The following CEP72 variants were observed in gnomAD, a reference collection of about 807,000 sequenced individuals.
CEP72 encodes centrosomal protein of 72 kDa.
Under a neutral mutation model 65.7 loss-of-function variants are expected in CEP72, and 78 were observed. That is an observed-to-expected ratio of 1.19 (90% CI 0.99 to 1.43). CEP72 has a LOEUF of 1.43. Ranked by LOEUF, CEP72 falls within the 40% of genes most tolerant of loss-of-function variation. CEP72 has a pLI of 0.00. For synonymous variants in CEP72, 358 were observed against 351.7 expected (o/e 1.02, Z -0.20); for missense variants, 914 against 832.9 (o/e 1.10, Z -1.20).
At chr5:641,580 C>T (rs1197147839) in intron 9 of CEP72, 3 of 984,104 alleles carry the variant, frequency 3.0e-6, no homozygotes, top group Non-Finnish European at 2.4e-6. Flanking sequence ...GTGGCCCCCC[C>T]ACCCCGCCTG....
At chr5:668,264 C>G (rs1740023702), downstream of CEP72, among the ~76,000 whole-genome samples, 1 of 62,040 alleles carries the variant, frequency 1.6e-5, no homozygotes, top group Non-Finnish European at 2.8e-5. Context: ...CGGACAAGCA[C>G]ACGGAGAGGG....
At chr5:618,841 CGAG>C (rs1287310145) in intron 1 of CEP72, 146 bp from the exon 2 acceptor site, 4 of 663,126 alleles carry the variant, frequency 6.0e-6, no homozygotes, top group Non-Finnish European at 1.0e-5. Flanking sequence ...CACAGATGGC[CGAG>C]GAGAAGATTC....
chr5:627,117 A>T (rs1342785422), intron 4 of CEP72, among the ~76,000 whole-genome samples: 1 of 152,210 alleles, frequency 6.6e-6, no homozygotes, highest in Non-Finnish European at 1.5e-5. Flanking sequence ...CAGTGAGCCC[A>T]TCTGGCCTGG....
At position 635,606 on chromosome 5, in the gene CEP72, T is replaced by G. The variant is rs777700256; in HGVS notation, c.904+22T>G. 8.4e-6 allele frequency: 13 copies of G among 1,548,164 alleles called. 1 individual carries two copies. In the East Asian group the frequency reaches 2.9e-4, roughly 35 times the overall value. ...CCAGGTACTTACGCGTGTCTTAGTC[T>G]GTTTTCTGTTGCTGTAACAGAAAAC... On this transcript the variant is annotated intron_variant, in intron 6 of 11. Coordinates refer to ENST00000264935, the MANE Select transcript of CEP72 (RefSeq NM_018140.4).
intron 1 of CEP72, among the ~76,000 whole-genome samples, chr5:618,770 C>T (rs1736159658): frequency 6.6e-6 from 1 of 152,046 alleles, no homozygotes; most frequent in Admixed American, 6.5e-5. Flanking sequence ...GGATGAGGAA[C>T]CTGAGCAGAT....
chr5:621,256 A>G (rs1736372486), intron 3 of CEP72, among the ~76,000 whole-genome samples: 1 of 152,192 alleles, frequency 6.6e-6, no homozygotes, highest in Non-Finnish European at 1.5e-5. Context: ...ACCTTATCAA[A>G]AACAAAAGAA....
chr5:616,346 T>C (rs1026142486), intron 1 of CEP72, among the ~76,000 whole-genome samples: 1 of 152,224 alleles, frequency 6.6e-6, no homozygotes, highest in Non-Finnish European at 1.5e-5. Flanking sequence ...CCTGTTTCTT[T>C]GCTAAGACTA....
In CEP72 at chr5:666,537, C is replaced by A. The variant is rs932314749; in HGVS notation, n.593-327C>A. 2.0e-5 allele frequency among the ~76,000 whole-genome samples: 3 copies of A among 152,208 alleles called. No individual in the cohort carries two copies. The East Asian group carries it at 5.8e-4, about 29-fold the overall frequency. On this transcript the variant is annotated intron_variant and non_coding_transcript_variant, in intron 4 of 4. Transcript: ENST00000514507. ...TGGGGTCCTAGGTGGAGGTGTCCCC[C>A]ACACAGGAACATGGTTAGGAGGGGC...
At position 624,654 on chromosome 5, in the gene CEP72, T is replaced by TTCAC. The variant is rs111664008; in HGVS notation, c.512+77_512+80dup. 84 of 1,064,816 alleles carry TTCAC rather than the reference T, an allele frequency of 7.9e-5. No homozygotes were observed. The African/African-American group carries it at 1.0e-3, about 13-fold the overall frequency. 66.0% of individuals were successfully genotyped at this position (1,064,816 alleles called of 1,614,324 possible). On this transcript the variant is annotated intron_variant, in intron 4 of 11. Coordinates refer to ENST00000264935, the MANE Select transcript of CEP72 (RefSeq NM_018140.4). The surrounding 1 kb of genome is among the most constrained non-coding windows in gnomAD (Gnocchi z 4.7). Reference sequence around the variant, plus strand: ...TGTCAGGAGGATTAACCGAACGTCATTCACTGTGTGCCGGTCACTCTCCAG... The same window carrying TTCAC: ...TGTCAGGAGGATTAACCGAACGTCATTCACTCACTGTGTGCCGGTCACTCTCCAG...
intron 4 of CEP72, among the ~76,000 whole-genome samples, chr5:633,262 G>C (rs1737333279): frequency 1.0e-5 from 1 of 99,410 alleles, no homozygotes; most frequent in African/African-American, 4.8e-5. Flanking sequence ...GTGGGGTGCT[G>C]TCCAGTTCCG....
intron 4 of CEP72, among the ~76,000 whole-genome samples, chr5:628,433 G>T (rs372553057): frequency 0.01 from 1,337 of 130,226 alleles, 21 homozygotes; most frequent in African/African-American, 0.032. Flanking sequence ...CCGGGGATTG[G>T]CCCCAGGACC....
intron 1 of CEP72, among the ~76,000 whole-genome samples, chr5:617,734 G>T (rs181449740): frequency 6.6e-6 from 1 of 152,162 alleles, no homozygotes; most frequent in Non-Finnish European, 1.5e-5. Context: ...ATGTGGTGGC[G>T]TGTCCCTGTA....
At chr5:633,360 C>T (rs1306543416) in intron 4 of CEP72, among the ~76,000 whole-genome samples, 1 of 125,330 alleles carries the variant, frequency 8.0e-6, no homozygotes, top group Non-Finnish European at 1.8e-5. Context: ...AGGATTTAGT[C>T]CCGTCCTGGT....
downstream of CEP72, among the ~76,000 whole-genome samples, chr5:654,460 T>A (rs1428082489): frequency 1.3e-5 from 2 of 151,626 alleles, no homozygotes; most frequent in South Asian, 4.2e-4. Flanking sequence ...TGCTTCTGTG[T>A]GTGTGTGTGT....
chr5:673,670 A>G, the CEP72 span, among the ~76,000 whole-genome samples: 1 of 152,154 alleles, frequency 6.6e-6, no homozygotes, highest in Non-Finnish European at 1.5e-5. Context: ...CTTGACCCTC[A>G]TGGTCAGCCA....
chr5:627,100 T>A (rs1736805030), intron 4 of CEP72, among the ~76,000 whole-genome samples: 1 of 152,250 alleles, frequency 6.6e-6, no homozygotes, highest in African/African-American at 2.4e-5. Flanking sequence ...ATATACTTTC[T>A]TCTGTACAGT....
chr5:668,816 G>A (rs1195542975), downstream of CEP72, among the ~76,000 whole-genome samples: 1 of 152,240 alleles, frequency 6.6e-6, no homozygotes, highest in African/African-American at 2.4e-5. Context: ...GTGCTGTGAT[G>A]TGTGCGCACG....
chr5:623,642 G>C lies in CEP72; in HGVS notation c.404-829G>C, dbSNP rs899162193. 1.3e-5 allele frequency among the ~76,000 whole-genome samples: 2 copies of C among 152,084 alleles called. No individual in the cohort carries two copies. Among genetic ancestry groups the C allele is most frequent in the South Asian group, 2.1e-4 (1 of 4,826 alleles). On this transcript the variant is annotated intron_variant, in intron 3 of 11. Coordinates refer to ENST00000264935, the MANE Select transcript of CEP72 (RefSeq NM_018140.4). This position sits in a 1 kb window ranked among gnomAD's most constrained non-coding sequence, Gnocchi z 5.3. ...CGTTAGTGCGGGGCTGGTGAAGGCCGGGGTGGAAAGGTTGCGGGAGGGTGG... is the reference window on the plus strand; with the variant it reads ...CGTTAGTGCGGGGCTGGTGAAGGCCCGGGTGGAAAGGTTGCGGGAGGGTGG...
intron 4 of CEP72, among the ~76,000 whole-genome samples, chr5:626,422 G>A (rs1736763526): frequency 6.6e-6 from 1 of 152,146 alleles, no homozygotes; most frequent in African/African-American, 2.4e-5. Flanking sequence ...TTTGCTGAAA[G>A]GAATCATCAT....
Sources: gnomAD v4.1 joint callset for allele counts (sites outside exome capture counted in the v4.1 genomes callset) on GRCh38, gnomAD v4.1.1 for gene constraint, Gnocchi (gnomAD v3.1) non-coding constraint, MANE v1.5 for transcripts, NCBI Gene and HGNC (gene_info 2026-07-23, HGNC 2026-07-21) for gene names.